The following FHIP1A variants were observed in gnomAD, a reference collection of about 807,000 sequenced individuals.
The protein encoded by FHIP1A is FHF complex subunit HOOK interacting protein 1A.
Under a neutral mutation model 88.6 loss-of-function variants are expected in FHIP1A, and 61 were observed. That is an observed-to-expected ratio of 0.69 (90% confidence interval 0.56 to 0.85). The LOEUF (loss-of-function observed/expected upper bound fraction) is 0.85, where lower values mean the gene tolerates loss of function less well. Ranked by LOEUF, FHIP1A falls within the 40% of genes least tolerant of loss-of-function variation. The pLI is 0.00. For missense variants in FHIP1A, 1,154 were observed against 1,273.5 expected (o/e 0.91, Z 1.43); for synonymous variants, 478 against 496.0 (o/e 0.96, Z 0.48).
intron 9 of FHIP1A, among the ~76,000 whole-genome samples, chr4:151,641,055 G>GA (rs966844184): frequency 7.9e-4 from 60 of 76,258 alleles, no homozygotes; most frequent in Middle Eastern, 7.8e-3. Context: ...TGGAATAATG[G>GA]AAAAAAAAAA....
chr4:151,625,578 G>A (rs185320220), intron 7 of FHIP1A, among the ~76,000 whole-genome samples: 157 of 152,278 alleles, frequency 1.0e-3, no homozygotes, highest in Non-Finnish European at 1.9e-3. Flanking sequence ...CTCATACGCC[G>A]TGCAATAAGT....
chr4:151,453,515 A>G lies in FHIP1A; in HGVS notation c.-355-1186A>G, dbSNP rs76263383. Among the ~76,000 whole-genome samples, 826 of 152,328 alleles carry G rather than the reference A, an allele frequency of 5.4e-3. 7 individuals carry two copies. Among genetic ancestry groups the G allele is most frequent in the African/African-American group, 0.019 (804 of 41,580 alleles). On this transcript the variant is annotated intron_variant, in intron 1 of 13. Transcript: ENST00000435205. ...CGTACAAGTTTATTGTATGCATTAAATTCATGTAACACATACAACAAACTT... is the reference window on the plus strand; with the variant it reads ...CGTACAAGTTTATTGTATGCATTAAGTTCATGTAACACATACAACAAACTT...
At chr4:151,602,600 C>A (rs1012779328) in intron 7 of FHIP1A, among the ~76,000 whole-genome samples, 2 of 152,222 alleles carry the variant, frequency 1.3e-5, no homozygotes, top group African/African-American at 4.8e-5. Context: ...GATGAAAGTA[C>A]GCCAGGAGAG....
intron 3 of FHIP1A, among the ~76,000 whole-genome samples, chr4:151,514,390 A>C (rs1178411250): frequency 6.6e-6 from 1 of 151,808 alleles, no homozygotes; most frequent in Non-Finnish European, 1.5e-5. Flanking sequence ...CACAATTAAA[A>C]GAACTAGAGA....
chr4:151,629,871 T>C lies in FHIP1A; in HGVS notation c.1146+2T>C. Reference sequence around the variant, plus strand: ...AGTCGAATCAACACCCCGTTTCGGGTAAGGAGAGCGCCAGAGGAAGGGAAC... The same window carrying C: ...AGTCGAATCAACACCCCGTTTCGGGCAAGGAGAGCGCCAGAGGAAGGGAAC... On this transcript the variant is annotated splice_donor_variant, in intron 8 of 13. Coordinates refer to ENST00000435205, the MANE Select transcript of FHIP1A (RefSeq NM_001109977.3). LOFTEE classifies it high-confidence loss of function. 1 of 1,550,386 alleles carries C rather than the reference T, an allele frequency of 6.5e-7. No individual in the cohort carries two copies. The highest frequency in any genetic ancestry group is 8.7e-7 in the Non-Finnish European group (1 of 1,146,166).
intron 11 of FHIP1A, among the ~76,000 whole-genome samples, chr4:151,651,204 A>G (rs1737018648): frequency 1.3e-5 from 2 of 152,258 alleles, no homozygotes; most frequent in Admixed American, 1.3e-4. Flanking sequence ...GCTCTTTGAA[A>G]GAGTGGGTAT....
At chr4:151,517,735 T>A (rs974668173) in intron 3 of FHIP1A, among the ~76,000 whole-genome samples, 1 of 152,116 alleles carries the variant, frequency 6.6e-6, no homozygotes, top group African/African-American at 2.4e-5. Flanking sequence ...TCTGACCATG[T>A]GCAAGCCTAG....
At chr4:151,450,840 T>C (rs4696088) in intron 1 of FHIP1A, among the ~76,000 whole-genome samples, 79,071 of 151,804 alleles carry the variant, frequency 0.52, 20,885 homozygotes, top group African/African-American at 0.55. Context: ...TGCAGTGGTG[T>C]AATCTCAGCT....
intron 3 of FHIP1A, among the ~76,000 whole-genome samples, chr4:151,502,071 T>A (rs144670912): frequency 9.4e-4 from 143 of 151,430 alleles, no homozygotes; most frequent in African/African-American, 3.3e-3. Flanking sequence ...ATCCCAGCAC[T>A]TTGGTAGGTC....
chr4:151,446,723 T>G (rs1298650560), intron 1 of FHIP1A, among the ~76,000 whole-genome samples: 1 of 152,044 alleles, frequency 6.6e-6, no homozygotes, highest in Non-Finnish European at 1.5e-5. Flanking sequence ...TGAGAATGTA[T>G]CCTTGTATTC....
At chr4:151,525,571 C>T (rs1277154390) in intron 3 of FHIP1A, among the ~76,000 whole-genome samples, 1 of 152,164 alleles carries the variant, frequency 6.6e-6, no homozygotes, top group African/African-American at 2.4e-5. Context: ...CTTCAAATTA[C>T]CCAGATTTCT....
chr4:151,474,482 G>A (rs1729632512), intron 2 of FHIP1A, among the ~76,000 whole-genome samples: 1 of 152,286 alleles, frequency 6.6e-6, no homozygotes, highest in Non-Finnish European at 1.5e-5. Context: ...TTCGCTTGAC[G>A]TTGTCTGAAG....
chr4:151,541,153 G>T (rs369896233), intron 3 of FHIP1A, among the ~76,000 whole-genome samples: 3 of 152,240 alleles, frequency 2.0e-5, no homozygotes, highest in South Asian at 4.1e-4. Context: ...TCTTGCATTA[G>T]TAACAAAAAG....
chr4:151,477,198 T>C (rs1048428380), intron 2 of FHIP1A, among the ~76,000 whole-genome samples: 1 of 152,202 alleles, frequency 6.6e-6, no homozygotes, highest in Non-Finnish European at 1.5e-5. Flanking sequence ...TTAGTAAGTC[T>C]ACAATAATTG....
At chr4:151,549,997 G>T (rs1429471056) in intron 3 of FHIP1A, among the ~76,000 whole-genome samples, 1 of 152,056 alleles carries the variant, frequency 6.6e-6, no homozygotes, top group Non-Finnish European at 1.5e-5. Context: ...TTTAAAAAGG[G>T]TTTATTTTTG....
At chr4:151,514,655 A>G (rs1304280936) in intron 3 of FHIP1A, among the ~76,000 whole-genome samples, 1 of 152,214 alleles carries the variant, frequency 6.6e-6, no homozygotes, top group African/African-American at 2.4e-5. Flanking sequence ...ACAAACTACT[A>G]TCAGAGAATA....
At chr4:151,488,907 G>A (rs1730179801) in intron 3 of FHIP1A, among the ~76,000 whole-genome samples, 1 of 152,166 alleles carries the variant, frequency 6.6e-6, no homozygotes, top group African/African-American at 2.4e-5. Context: ...ACTCGAGCTG[G>A]TGGAGAGAGA....
chr4:151,659,333 C>T (rs1001731974), intron 13 of FHIP1A, among the ~76,000 whole-genome samples: 2 of 152,204 alleles, frequency 1.3e-5, no homozygotes, highest in East Asian at 1.9e-4. Context: ...TCCCCTTGTA[C>T]AAAGCTGACT....
intron 3 of FHIP1A, among the ~76,000 whole-genome samples, chr4:151,531,877 C>A (rs1361067391): frequency 1.3e-5 from 2 of 151,388 alleles, no homozygotes; most frequent in East Asian, 3.9e-4. Flanking sequence ...CTCCAGGGCC[C>A]AAAAAGAAGT....
Sources: allele counts gnomAD v4.1 joint callset (sites outside exome capture counted in the v4.1 genomes callset), GRCh38; gene constraint gnomAD v4.1.1; transcripts MANE v1.5; gene names NCBI Gene and HGNC (gene_info 2026-07-23, HGNC 2026-07-21).